Variants in LIPK observed in about 807,000 individuals in gnomAD.
The protein encoded by LIPK is lipase family member K.
Under a neutral mutation model 48.6 loss-of-function variants are expected in LIPK, and 32 were observed. The observed-to-expected ratio is 0.66, with a 90% CI of 0.50 to 0.88. The LOEUF (loss-of-function observed/expected upper bound fraction) is 0.88. LIPK is among the 40% of genes least tolerant of loss of function. The probability of loss-of-function intolerance (pLI) is 0.00; values close to 1 mark genes in which losing one functional copy is unlikely to be tolerated. For synonymous variants in LIPK, 164 were observed against 157.4 expected (o/e 1.04, Z -0.32); for missense variants, 507 against 478.5 (o/e 1.06, Z -0.56).
chr10:88,750,889 C>T (rs1842851766), intron 9 of LIPK, among the ~76,000 whole-genome samples: 1 of 152,000 alleles, frequency 6.6e-6, no homozygotes. Context: ...ACACTTATTC[C>T]TTCTCAAAAA....
intron 9 of LIPK, among the ~76,000 whole-genome samples, chr10:88,746,086 A>G (rs1842760961): frequency 6.6e-6 from 1 of 152,296 alleles, no homozygotes; most frequent in South Asian, 2.1e-4. Flanking sequence ...AACTATCCTA[A>G]ATATATATGC....
chr10:88,743,987 C>T (rs960675790), intron 9 of LIPK, among the ~76,000 whole-genome samples: 2 of 152,208 alleles, frequency 1.3e-5, no homozygotes, highest in African/African-American at 2.4e-5. Context: ...GGTGCAGGAA[C>T]GGTTGCAGTG....
chr10:88,747,113 T>C (rs1842779742), intron 9 of LIPK, among the ~76,000 whole-genome samples: 1 of 152,060 alleles, frequency 6.6e-6, no homozygotes, highest in South Asian at 2.1e-4. Flanking sequence ...CAAAACTGAA[T>C]CAGTACTAAA....
chr10:88,732,586 T>G (rs747836568), intron 6 of LIPK, 35 bp downstream of exon 6: 2 of 1,568,990 alleles, frequency 1.3e-6, no homozygotes, highest in South Asian at 2.4e-5. Flanking sequence ...CTGAAATAAC[T>G]AAAAGTAGCT....
chr10:88,728,078 T>C (rs969970475), intron 3 of LIPK: 8 of 304,998 alleles, frequency 2.6e-5, no homozygotes, highest in Admixed American at 2.0e-4. Context: ...AACAAGCATA[T>C]AGAGATGGAG....
intron 9 of LIPK, among the ~76,000 whole-genome samples, chr10:88,751,531 T>A (rs1483985499): frequency 6.6e-6 from 1 of 152,100 alleles, no homozygotes; most frequent in Non-Finnish European, 1.5e-5. Flanking sequence ...AGCCAAAAAA[T>A]TTTAATGTGG....
chr10:88,723,188 T>A (rs1317189335), intron 1 of LIPK, among the ~76,000 whole-genome samples: 3 of 152,130 alleles, frequency 2.0e-5, no homozygotes, highest in Non-Finnish European at 1.5e-5. Context: ...CCCAGCCCAA[T>A]ATTTCCTACC....
intron 8 of LIPK, among the ~76,000 whole-genome samples, chr10:88,742,847 A>G (rs1842703868): frequency 6.6e-6 from 1 of 152,250 alleles, no homozygotes; most frequent in Non-Finnish European, 1.5e-5. Context: ...GTTGTATAAT[A>G]ACAATAGCAG....
At chr10:88,745,466 C>T (rs431003) in intron 9 of LIPK, among the ~76,000 whole-genome samples, 11 of 152,088 alleles carry the variant, frequency 7.2e-5, no homozygotes, top group African/African-American at 2.2e-4. Context: ...GAAGAGATTA[C>T]GGGCTTGTAT....
chr10:88,750,222 A>C (rs1842841729), intron 9 of LIPK, among the ~76,000 whole-genome samples: 1 of 152,224 alleles, frequency 6.6e-6, no homozygotes, highest in African/African-American at 2.4e-5. Flanking sequence ...AAATTAATTC[A>C]GCCATTGTGG....
chr10:88,742,730 C>T (rs1175980254), intron 8 of LIPK, among the ~76,000 whole-genome samples: 6 of 150,772 alleles, frequency 4.0e-5, no homozygotes, highest in South Asian at 2.1e-4. Context: ...CACAGAACTG[C>T]GGAAGCTCAG....
chr10:88,742,691 T>C (rs2776656), intron 8 of LIPK, among the ~76,000 whole-genome samples: 33,419 of 152,034 alleles, frequency 0.22, 3,846 homozygotes, highest in East Asian at 0.36. Context: ...ACTCCACATA[T>C]GGGAGGCAGA....
intron 6 of LIPK, 43 bp downstream of exon 6, chr10:88,732,594 G>GCT (rs765157460): frequency 1.9e-6 from 3 of 1,555,102 alleles, no homozygotes; most frequent in Non-Finnish European, 2.6e-6. Context: ...ACTAAAAGTA[G>GCT]CTCTATTTCC....
In LIPK at chr10:88,721,115, C is replaced by G. The variant is rs1246157557; in HGVS notation, c.-11-3418C>G. Among the ~76,000 whole-genome samples the G allele has an allele frequency of 9.3e-5, 4 of 42,898 alleles. No individual in the cohort carries two copies. The East Asian group carries it at 0.083, about 894-fold the overall frequency. The allele number at this position is 42,898 out of a possible 152,430, so 28.1% of individuals were successfully genotyped here. On this transcript the variant is annotated intron_variant, in intron 1 of 9. Transcript: ENST00000404190. ...GTCTAATATCTTTATATTTCTTAGT[C>G]TAATATCCTTATATGCATTAGCATA... is the stretch of plus-strand genomic sequence containing the variant.
chr10:88,742,605 C>A (rs1406509447), intron 8 of LIPK, among the ~76,000 whole-genome samples: 9 of 152,072 alleles, frequency 5.9e-5, no homozygotes, highest in Non-Finnish European at 1.3e-4. Context: ...GTTTCAATAC[C>A]AAAATGCAAA....
At chr10:88,717,132 T>G (rs1166799937) in intron 1 of LIPK, among the ~76,000 whole-genome samples, 2 of 152,160 alleles carry the variant, frequency 1.3e-5, no homozygotes, top group African/African-American at 4.8e-5. Flanking sequence ...ATTTGTCTGT[T>G]TTGTCATCCA....
At position 88,706,308 on chromosome 10, in the gene LIPK, A is replaced by G. The variant is rs553538360; in HGVS notation, c.-24A>G. Among the ~76,000 whole-genome samples, 22 of 152,310 alleles carry G rather than the reference A, an allele frequency of 1.4e-4. No homozygotes were observed. In the South Asian group the frequency reaches 4.4e-3, roughly 30 times the overall value. On this transcript the variant is annotated 5_prime_UTR_variant, in exon 1 of 10. Coordinates refer to ENST00000404190, the MANE Select transcript of LIPK (RefSeq NM_001080518.2). ...CCAGGACTTGAAGACAGACCTCCAA[A>G]GACTTGGATCAGGTAATGACTTTTC...
chr10:88,752,252 T>C (rs1264151713), intron 9 of LIPK, among the ~76,000 whole-genome samples: 1 of 152,192 alleles, frequency 6.6e-6, no homozygotes, highest in Non-Finnish European at 1.5e-5. Flanking sequence ...GAAAAAAGAA[T>C]GCTCTTCCTC....
intron 6 of LIPK, among the ~76,000 whole-genome samples, chr10:88,733,463 A>G (rs1842508933): frequency 6.6e-6 from 1 of 152,224 alleles, no homozygotes; most frequent in South Asian, 2.1e-4. Context: ...GAAGATTCTC[A>G]TTGTTGAGAG....
Sources: gnomAD v4.1 joint callset for allele counts (sites outside exome capture counted in the v4.1 genomes callset) on GRCh38, gnomAD v4.1.1 for gene constraint, MANE v1.5 for transcripts, NCBI Gene and HGNC (gene_info 2026-07-23, HGNC 2026-07-21) for gene names.